CFAP53: variants seen among roughly 807,000 people sequenced by gnomAD.
CFAP53 encodes cilia and flagella associated protein 53.
CFAP53 carries 62 observed loss-of-function variants against 59.7 expected under a neutral mutation model. That is an observed-to-expected ratio of 1.04 (90% CI 0.85 to 1.28). The LOEUF is 1.28. CFAP53 is among the 50% of genes most tolerant of loss of function. The pLI, the probability that CFAP53 is intolerant of heterozygous loss-of-function variation, is 0.00. For missense variants in CFAP53, 629 were observed against 615.6 expected, an observed-to-expected ratio of 1.02 and a Z score of -0.23; for synonymous variants, 218 against 205.7, an observed-to-expected ratio of 1.06 and a Z score of -0.51.
At chr18:50,236,112 A>G (rs1027285899) in intron 7 of CFAP53, among the ~76,000 whole-genome samples, 3 of 152,112 alleles carry the variant, frequency 2.0e-5, no homozygotes, top group African/African-American at 7.2e-5. Context: ...CTTAACATCA[A>G]ATGTTTCGAT....
At position 50,251,578 on chromosome 18, in the gene CFAP53, A is replaced by C. The variant is rs1333528096; in HGVS notation, c.680T>G (p.Met227Arg). ...AQEARRQKEL[M>R]ENTRLGLNAQ... ...ATTCAGCCCCAGGCGTGTGTTCTCCATCAGCTCTTTCTGTCTCCTCGCCTC... is the reference window on the plus strand; with the variant it reads ...ATTCAGCCCCAGGCGTGTGTTCTCCCTCAGCTCTTTCTGTCTCCTCGCCTC... Residue 227 changes from methionine to arginine, a missense_variant, in exon 4 of 8, where the codon ATG (methionine) becomes AGG (arginine). Physicochemically the swap from Met to Arg is moderately conservative, Grantham distance 91. Coordinates refer to ENST00000398545, the MANE Select transcript of CFAP53 (RefSeq NM_145020.5). 6 of 1,614,184 alleles carry C rather than the reference A, an allele frequency of 3.7e-6. No individual in the cohort carries two copies. In the South Asian group the frequency reaches 4.4e-5, roughly 12 times the overall value.
chr18:50,263,119 AAATGAATG>A (rs1327881335), intron 1 of CFAP53, among the ~76,000 whole-genome samples: 1 of 152,232 alleles, frequency 6.6e-6, no homozygotes, highest in Admixed American at 6.5e-5. Context: ...TCCTCAATAG[AAATGAATG>A]AATGAATGAG....
chr18:50,264,995 G>C (rs1457323411), intron 1 of CFAP53, among the ~76,000 whole-genome samples: 6 of 152,304 alleles, frequency 3.9e-5, no homozygotes, highest in African/African-American at 1.4e-4. Context: ...CAGGTCTATA[G>C]GTTGACTGAA....
intron 3 of CFAP53, among the ~76,000 whole-genome samples, chr18:50,252,059 C>T (rs1182770856): frequency 5.9e-5 from 9 of 152,040 alleles, no homozygotes; most frequent in Admixed American, 1.3e-4. Context: ...CAATGACTGA[C>T]CTATTCACTT....
chr18:50,227,712 C>T, intron 7 of CFAP53, 103 bp from the exon 8 acceptor site: 1 of 920,886 alleles, frequency 1.1e-6, no homozygotes, highest in Non-Finnish European at 1.7e-6. Context: ...AAATTAAATT[C>T]CCATTAAAAT....
Position 50,242,950 on chromosome 18 carries a change from T to C in CFAP53, c.1163A>G (p.Gln388Arg), listed in dbSNP as rs1367077581. The C allele has an allele frequency of 6.2e-7, 1 of 1,614,084 alleles. No individual in the cohort carries two copies. The highest frequency in any genetic ancestry group is 2.2e-5 in the East Asian group (1 of 44,880). ...TGTACACATGACCTCATCCACAAGC[T>C]GTCTCCTTGCCTCCTTTTCAAGTCT... ...ELRLEKEARRQLVDEVMCTRK... is the reference protein window; with the variant it reads ...ELRLEKEARRRLVDEVMCTRK... The change falls in exon 6 of 8, where the codon CAG (glutamine) becomes CGG (arginine). Residue 388 changes from glutamine (Q) to arginine (R), a missense_variant. Physicochemically the swap from Gln to Arg is conservative, Grantham distance 43. Transcript: ENST00000398545.
At chr18:50,242,088 G>A (rs894337951) in intron 6 of CFAP53, among the ~76,000 whole-genome samples, 3 of 152,202 alleles carry the variant, frequency 2.0e-5, no homozygotes, top group South Asian at 2.1e-4. Flanking sequence ...CTCGCGTTCT[G>A]CAAGAAGAAA....
At chr18:50,263,142 T>C (rs1177147429) in intron 1 of CFAP53, among the ~76,000 whole-genome samples, 2 of 152,206 alleles carry the variant, frequency 1.3e-5, no homozygotes, top group African/African-American at 2.4e-5. Flanking sequence ...AATGAGTGAA[T>C]GAATGAAACA....
chr18:50,227,694 G>C (rs2033539064), intron 7 of CFAP53, 85 bp from the exon 8 acceptor site: 1 of 1,083,640 alleles, frequency 9.2e-7, no homozygotes, highest in Non-Finnish European at 1.4e-6. Flanking sequence ...AATATAATTT[G>C]TAAAGTCAAA....
intron 7 of CFAP53, among the ~76,000 whole-genome samples, chr18:50,237,720 G>A (rs2033651722): frequency 6.6e-6 from 1 of 152,056 alleles, no homozygotes; most frequent in Non-Finnish European, 1.5e-5. Flanking sequence ...AAACTGCAGG[G>A]AGGTAGCTGC....
At chr18:50,232,177 T>C (rs1295013545) in intron 7 of CFAP53, among the ~76,000 whole-genome samples, 1 of 152,248 alleles carries the variant, frequency 6.6e-6, no homozygotes, top group Non-Finnish European at 1.5e-5. Context: ...GCATGTTTTC[T>C]AGTCCCACCA....
Position 50,250,899 on chromosome 18 carries a change from C to G in CFAP53, c.855G>C (p.Arg285Ser). ...CTTGTAGGGCTTTTTGCAAAATGGT[C>G]CTAGTTTCCTGCTTTGCCTTCTGTT... Reference protein sequence around the residue: ...LKKQKAKQETRTILQKALQER... With the variant: ...LKKQKAKQETSTILQKALQER... Residue 285 changes from arginine (R) to serine (S), a missense_variant, in exon 5 of 8, where the codon AGG becomes AGC. Arg to Ser is a moderately radical substitution (Grantham distance 110, BLOSUM62 -1). Coordinates refer to ENST00000398545, the MANE Select transcript of CFAP53 (RefSeq NM_145020.5). The G allele has an allele frequency of 6.2e-7, 1 of 1,614,128 alleles. No individual in the cohort carries two copies. The highest frequency in any genetic ancestry group is 8.5e-7 in the Non-Finnish European group (1 of 1,180,030).
At chr18:50,256,555 C>G (rs1358022298) in intron 3 of CFAP53, 1 of 152,170 alleles carries the variant, frequency 6.6e-6, no homozygotes. Context: ...CTGAAACTTC[C>G]CATTCCCTCT....
intron 1 of CFAP53, among the ~76,000 whole-genome samples, chr18:50,264,187 T>C (rs959843633): frequency 6.6e-6 from 1 of 152,234 alleles, no homozygotes; most frequent in Non-Finnish European, 1.5e-5. Flanking sequence ...TATGTGTGAC[T>C]AGTGGCTACC....
At position 50,242,884 on chromosome 18, in the gene CFAP53, T is replaced by A; in HGVS notation, c.1213+16A>T. On this transcript the variant is annotated intron_variant, in intron 6 of 7. Coordinates refer to ENST00000398545, the MANE Select transcript of CFAP53 (RefSeq NM_145020.5). ...TTAAGGGCAAGCTATAATATAACTG[T>A]AATTCAGTTCCTTACACTTTTCTTG... 1 of 1,596,490 alleles carries A rather than the reference T, an allele frequency of 6.3e-7. No homozygotes were observed. The highest frequency in any genetic ancestry group is 8.6e-7 in the Non-Finnish European group (1 of 1,166,540).
Position 50,252,102 on chromosome 18 carries a change from CT to C in CFAP53, c.474-319del, listed in dbSNP as rs2033806982. Among the ~76,000 whole-genome samples, 7 of 15,932 alleles carry C rather than the reference CT, an allele frequency of 4.4e-4. No individual in the cohort carries two copies. In the East Asian group the frequency reaches 0.01, roughly 23 times the overall value. The allele number at this position is 15,932 out of a possible 152,430, so 10.5% of individuals were successfully genotyped here. ...AGAACCCCTAATTTAGGGTTGCTTA[CT>C]TTTTTTCTTTTTTTTTTTGAGACAG... On this transcript the variant is annotated intron_variant, in intron 3 of 7. Transcript: ENST00000398545.
intron 3 of CFAP53, among the ~76,000 whole-genome samples, chr18:50,257,601 A>T (rs1002465044): frequency 6.6e-6 from 1 of 152,246 alleles, no homozygotes; most frequent in Non-Finnish European, 1.5e-5. Context: ...CTGATGAAAG[A>T]AATTGAAGAG....
At chr18:50,253,519 T>A (rs1452828984) in intron 3 of CFAP53, among the ~76,000 whole-genome samples, 8 of 152,172 alleles carry the variant, frequency 5.3e-5, no homozygotes. Context: ...TAACCAGTAG[T>A]AGGAATATTA....
intron 6 of CFAP53, among the ~76,000 whole-genome samples, chr18:50,242,477 C>A (rs1337198332): frequency 6.6e-6 from 1 of 152,156 alleles, no homozygotes; most frequent in South Asian, 2.1e-4. Flanking sequence ...TCCATGAAAT[C>A]TTCACAATTT....
Sources: allele counts gnomAD v4.1 joint callset (sites outside exome capture counted in the v4.1 genomes callset), GRCh38; gene constraint gnomAD v4.1.1; transcripts MANE v1.5; gene names NCBI Gene and HGNC (gene_info 2026-07-23, HGNC 2026-07-21).